The following HCN1 variants were observed in gnomAD, a reference collection of about 807,000 sequenced individuals.
HCN1 encodes the protein hyperpolarization activated cyclic nucleotide gated potassium channel 1.
A neutral mutation model predicts 78.9 loss-of-function variants in HCN1; 13 were observed. That is an observed-to-expected ratio of 0.16 (90% CI 0.11 to 0.26). The LOEUF is 0.26. Among genes scored for constraint, HCN1 ranks in the 10% least tolerant of loss-of-function variants. HCN1 has a pLI of 1.00. For missense variants in HCN1, 810 were observed against 1,154.3 expected, an observed-to-expected ratio of 0.70 and a Z score of 4.32; for synonymous variants, 552 against 455.5, an observed-to-expected ratio of 1.21 and a Z score of -2.70.
intron 4 of HCN1, among the ~76,000 whole-genome samples, chr5:45,370,944 C>T (rs1045730567): frequency 2.0e-5 from 3 of 151,860 alleles, no homozygotes. Context: ...ATGTATATTT[C>T]GAGGAGTTTG....
intron 3 of HCN1, among the ~76,000 whole-genome samples, chr5:45,427,303 G>T (rs1740372241): frequency 6.6e-6 from 1 of 151,604 alleles, no homozygotes; most frequent in Admixed American, 6.6e-5. Flanking sequence ...AAATACAAAA[G>T]AACTAGTGGC....
chr5:45,347,564 T>A (rs996195317), intron 5 of HCN1, among the ~76,000 whole-genome samples: 4 of 152,030 alleles, frequency 2.6e-5, no homozygotes, highest in Non-Finnish European at 5.9e-5. Flanking sequence ...ATCAAACTAC[T>A]CCGAGCTACA....
intron 2 of HCN1, among the ~76,000 whole-genome samples, chr5:45,571,683 G>A (rs1319402844): frequency 1.3e-5 from 2 of 152,124 alleles, no homozygotes; most frequent in South Asian, 2.1e-4. Context: ...GGGAGGCCAG[G>A]GCAGATGGAT....
intron 1 of HCN1, among the ~76,000 whole-genome samples, chr5:45,667,603 T>C (rs1445216050): frequency 2.6e-5 from 4 of 152,002 alleles, no homozygotes; most frequent in South Asian, 2.1e-4. Context: ...TTTTAAAACA[T>C]GCATTGAAAG....
chr5:45,294,965 C>T (rs1283823153), intron 6 of HCN1, among the ~76,000 whole-genome samples: 4 of 152,074 alleles, frequency 2.6e-5, no homozygotes, highest in African/African-American at 9.7e-5. Context: ...TGCTTTGAGA[C>T]TCATTTTCCT....
chr5:45,285,973 AAC>A lies in HCN1; in HGVS notation c.1618+17624_1618+17625del, dbSNP rs538232733. Among the ~76,000 whole-genome samples the A allele has an allele frequency of 7.2e-3, 1,096 of 152,048 alleles. 9 individuals carry two copies. The highest frequency in any genetic ancestry group is 0.025 in the African/African-American group (1,056 of 41,518). On this transcript the variant is annotated intron_variant, in intron 6 of 7. Transcript: ENST00000303230. The stretch of plus-strand genomic sequence containing the variant: ...ACTTTCTTTATAGTTTGGGGAGACA[AAC>A]ACACACGGAAAATTTGTTTTTAAAG...
chr5:45,673,050 T>C (rs1324347846), intron 1 of HCN1, among the ~76,000 whole-genome samples: 1 of 151,514 alleles, frequency 6.6e-6, no homozygotes, highest in Non-Finnish European at 1.5e-5. Flanking sequence ...ACATTACAAT[T>C]TAGTTAGCAT....
At chr5:45,463,216 A>C (rs960871412) in intron 2 of HCN1, among the ~76,000 whole-genome samples, 3 of 152,000 alleles carry the variant, frequency 2.0e-5, no homozygotes, top group African/African-American at 7.2e-5. Context: ...AAATATCTAT[A>C]ATTCTTAAAA....
At chr5:45,388,389 C>T (rs1011053117) in intron 4 of HCN1, among the ~76,000 whole-genome samples, 2 of 152,102 alleles carry the variant, frequency 1.3e-5, no homozygotes, top group African/African-American at 2.4e-5. Flanking sequence ...ATGCCTGTCC[C>T]GCTGTGTTCT....
chr5:45,669,647 C>G (rs1047647377), intron 1 of HCN1, among the ~76,000 whole-genome samples: 1 of 151,658 alleles, frequency 6.6e-6, no homozygotes, highest in Non-Finnish European at 1.5e-5. Context: ...GAAGATGGAG[C>G]AGCAAATGAG....
intron 2 of HCN1, among the ~76,000 whole-genome samples, chr5:45,571,928 A>C (rs1225652165): frequency 1.3e-5 from 2 of 152,156 alleles, no homozygotes; most frequent in Non-Finnish European, 1.5e-5. Context: ...AATAATAATA[A>C]AAAATATTTT....
chr5:45,487,170 T>C (rs1172985415), intron 2 of HCN1, among the ~76,000 whole-genome samples: 1 of 152,128 alleles, frequency 6.6e-6, no homozygotes, highest in Non-Finnish European at 1.5e-5. Flanking sequence ...TTTTAACAAC[T>C]TTAGGTCATT....
chr5:45,401,456 C>A (rs1008933205), intron 3 of HCN1, among the ~76,000 whole-genome samples: 5 of 151,964 alleles, frequency 3.3e-5, no homozygotes, highest in Non-Finnish European at 7.4e-5. Flanking sequence ...TATTGACCTT[C>A]TAATCATATA....
intron 6 of HCN1, among the ~76,000 whole-genome samples, chr5:45,285,833 T>C (rs999301989): frequency 6.6e-6 from 1 of 151,992 alleles, no homozygotes; most frequent in Non-Finnish European, 1.5e-5. Flanking sequence ...AAAAACATGG[T>C]AACTGTGACC....
chr5:45,557,029 C>T (rs1743485029), intron 2 of HCN1, among the ~76,000 whole-genome samples: 1 of 151,934 alleles, frequency 6.6e-6, no homozygotes, highest in African/African-American at 2.4e-5. Flanking sequence ...TTCAATATCC[C>T]CTGATAATAA....
chr5:45,315,100 A>G (rs536014598), intron 5 of HCN1, among the ~76,000 whole-genome samples: 2 of 152,332 alleles, frequency 1.3e-5, no homozygotes, highest in African/African-American at 4.8e-5. Flanking sequence ...ACCCAAATCA[A>G]CAGAATATAC....
At chr5:45,276,891 C>T (rs1176858154) in intron 6 of HCN1, among the ~76,000 whole-genome samples, 1 of 151,774 alleles carries the variant, frequency 6.6e-6, no homozygotes. Flanking sequence ...AGAAAAGGAA[C>T]AGGAGGGGAG....
At chr5:45,407,142 C>A (rs1739941581) in intron 3 of HCN1, among the ~76,000 whole-genome samples, 1 of 152,150 alleles carries the variant, frequency 6.6e-6, no homozygotes, top group Non-Finnish European at 1.5e-5. Flanking sequence ...CAATCATGCA[C>A]CACATAATGA....
intron 6 of HCN1, among the ~76,000 whole-genome samples, chr5:45,283,048 T>C (rs1160485037): frequency 6.6e-6 from 1 of 152,182 alleles, no homozygotes; most frequent in Non-Finnish European, 1.5e-5. Flanking sequence ...AGAAAGTTCC[T>C]ACTTTCCCCA....
Sources: gnomAD v4.1 joint callset for allele counts (sites outside exome capture counted in the v4.1 genomes callset) on GRCh38, gnomAD v4.1.1 for gene constraint, MANE v1.5 for transcripts, NCBI Gene and HGNC (gene_info 2026-07-23, HGNC 2026-07-21) for gene names.